IL1RAPL2: variants seen among roughly 807,000 people sequenced by gnomAD.
The protein encoded by IL1RAPL2 is interleukin 1 receptor accessory protein like 2.
IL1RAPL2 carries 3 observed loss-of-function variants against 44.1 expected under a neutral mutation model. That is an observed-to-expected ratio of 0.07 (90% CI 0.03 to 0.18). The LOEUF (loss-of-function observed/expected upper bound fraction) is 0.18, where lower values mean the gene tolerates loss of function less well. IL1RAPL2 is among the 10% of genes least tolerant of loss of function. The pLI is 1.00. For missense variants in IL1RAPL2, 391 were observed against 496.4 expected, an observed-to-expected ratio of 0.79 and a Z score of 2.02; for synonymous variants, 181 against 178.8, an observed-to-expected ratio of 1.01 and a Z score of -0.10.
At chrX:104,678,805 C>T (rs1313113749) in intron 2 of IL1RAPL2, among the ~76,000 whole-genome samples, 1 of 110,717 alleles carries the variant, frequency 9.0e-6, no homozygotes, top group East Asian at 2.9e-4. Flanking sequence ...AGGGGAACAT[C>T]ACCCATGGGG....
intron 2 of IL1RAPL2, among the ~76,000 whole-genome samples, chrX:104,672,250 C>T (rs1419848011): frequency 9.0e-6 from 1 of 110,961 alleles, no homozygotes; most frequent in Non-Finnish European, 1.9e-5. Context: ...TGCTATCCCT[C>T]CCCCACCCAT....
At chrX:105,374,677 G>A (rs758128705) in intron 5 of IL1RAPL2, among the ~76,000 whole-genome samples, 56 of 110,933 alleles carry the variant, frequency 5.0e-4, no homozygotes, top group Non-Finnish European at 9.4e-4. Context: ...GGCCAGGCAC[G>A]GTGGCTTATG....
intron 5 of IL1RAPL2, among the ~76,000 whole-genome samples, chrX:105,390,195 A>G (rs1379148263): frequency 9.0e-6 from 1 of 111,448 alleles, no homozygotes; most frequent in Non-Finnish European, 1.9e-5. Context: ...ATCTAATCAT[A>G]TCACTCTACT....
chrX:105,541,449 GAAGAA>G (rs750650487), intron 6 of IL1RAPL2, among the ~76,000 whole-genome samples: 66 of 111,579 alleles, frequency 5.9e-4, no homozygotes, highest in African/African-American at 2.0e-3. Flanking sequence ...GATTGTCTTT[GAAGAA>G]AAGAATGTGA....
At chrX:105,369,999 T>A (rs981465941) in intron 5 of IL1RAPL2, among the ~76,000 whole-genome samples, 5 of 111,921 alleles carry the variant, frequency 4.5e-5, no homozygotes, top group Admixed American at 2.9e-4. Context: ...AACATAAAAA[T>A]CTGTTTAGCT....
chrX:104,780,003 A>G (rs1383495859), intron 2 of IL1RAPL2, among the ~76,000 whole-genome samples: 2 of 111,829 alleles, frequency 1.8e-5, no homozygotes, highest in African/African-American at 6.5e-5. Flanking sequence ...TATATCTTCA[A>G]TGTGAAAGAA....
Position 105,613,192 on chromosome X carries a change from T to C in IL1RAPL2, c.773-104175T>C, listed in dbSNP as rs978130322. On this transcript the variant is annotated intron_variant, in intron 6 of 10. Transcript: ENST00000372582. ...GGGTAGGGCCCATTTCCAGGCCATC[T>C]CTCCTGGACAACATTTCTAGACACA... is the stretch of plus-strand genomic sequence containing the variant. 4.5e-5 allele frequency among the ~76,000 whole-genome samples: 5 copies of C among 111,104 alleles called. 1 individual carries two copies. Among genetic ancestry groups the C allele is most frequent in the Admixed American group, 9.5e-5 (1 of 10,502 alleles).
chrX:105,713,283 G>A (rs1018462040), intron 6 of IL1RAPL2, among the ~76,000 whole-genome samples: 3 of 111,488 alleles, frequency 2.7e-5, no homozygotes, highest in Non-Finnish European at 5.6e-5. Context: ...TCTAACAGAG[G>A]TTCTCCATGA....
chrX:104,762,484 C>A (rs757608945), intron 2 of IL1RAPL2, among the ~76,000 whole-genome samples: 1 of 111,871 alleles, frequency 8.9e-6, no homozygotes, highest in African/African-American at 3.3e-5. Context: ...TCCAGACCTA[C>A]GGTGCAAGCT....
At chrX:105,629,902 G>A (rs2037480329) in intron 6 of IL1RAPL2, among the ~76,000 whole-genome samples, 1 of 111,394 alleles carries the variant, frequency 9.0e-6, no homozygotes, top group Admixed American at 9.6e-5. Flanking sequence ...GAGTACTGGA[G>A]AGGAATGCTT....
chrX:104,875,604 C>T (rs1243829881), intron 2 of IL1RAPL2, among the ~76,000 whole-genome samples: 1 of 111,339 alleles, frequency 9.0e-6, no homozygotes, highest in Non-Finnish European at 1.9e-5. Context: ...TTATACTATC[C>T]TTGGTCTGGA....
chrX:104,950,961 C>G (rs758011061), intron 2 of IL1RAPL2, among the ~76,000 whole-genome samples: 1 of 111,699 alleles, frequency 9.0e-6, no homozygotes, highest in Middle Eastern at 4.2e-3. Context: ...TCTGTCACCC[C>G]TTTCTTTGAC....
chrX:104,869,109 T>C (rs968021248), intron 2 of IL1RAPL2, among the ~76,000 whole-genome samples: 12 of 111,786 alleles, frequency 1.1e-4, no homozygotes, highest in Non-Finnish European at 1.3e-4. Context: ...TTAATGCAAG[T>C]TTTTTGTTTT....
At chrX:105,124,824 C>T (rs1177644281) in intron 2 of IL1RAPL2, among the ~76,000 whole-genome samples, 1 of 110,621 alleles carries the variant, frequency 9.0e-6, no homozygotes, top group African/African-American at 3.3e-5. Flanking sequence ...CTTTGAAAAA[C>T]GTGATTGTTC....
chrX:105,641,857 T>C (rs184548374), intron 6 of IL1RAPL2, among the ~76,000 whole-genome samples: 9 of 111,905 alleles, frequency 8.0e-5, no homozygotes, highest in African/African-American at 1.9e-4. Flanking sequence ...CAGTATGTAA[T>C]TGAAAACATG....
At chrX:104,892,067 C>G (rs1341245787) in intron 2 of IL1RAPL2, among the ~76,000 whole-genome samples, 1 of 111,705 alleles carries the variant, frequency 9.0e-6, no homozygotes, top group Non-Finnish European at 1.9e-5. Context: ...TGGTTTTCGT[C>G]TTTGGTTCTG....
At chrX:105,042,203 C>A (rs1399727911) in intron 2 of IL1RAPL2, among the ~76,000 whole-genome samples, 2 of 109,504 alleles carry the variant, frequency 1.8e-5, no homozygotes, top group Non-Finnish European at 3.8e-5. Flanking sequence ...AAAGCAATGG[C>A]AACAAAAGCC....
At chrX:105,201,957 TG>T (rs782306884) in intron 3 of IL1RAPL2, among the ~76,000 whole-genome samples, 11 of 112,154 alleles carry the variant, frequency 9.8e-5, no homozygotes, top group African/African-American at 3.6e-4. Flanking sequence ...TTTTTCTATC[TG>T]TTTTTGGTTA....
Position 104,691,500 on chromosome X carries a change from G to A in IL1RAPL2, c.82+32505G>A, listed in dbSNP as rs187428250. Among the ~76,000 whole-genome samples, 492 of 112,229 alleles carry A rather than the reference G, an allele frequency of 4.4e-3. 3 individuals are homozygous for A. The highest frequency in any genetic ancestry group is 7.9e-3 in the Non-Finnish European group (421 of 53,231). On this transcript the variant is annotated intron_variant, in intron 2 of 10. Coordinates refer to ENST00000372582, the MANE Select transcript of IL1RAPL2 (RefSeq NM_017416.2). Reference sequence around the variant, plus strand: ...TAGTTTGTTATTAAATGACAGACAAGACAAATGAATACCACCTCTGGGTAA... The same window carrying A: ...TAGTTTGTTATTAAATGACAGACAAAACAAATGAATACCACCTCTGGGTAA...
Sources: allele counts gnomAD v4.1 joint callset (sites outside exome capture counted in the v4.1 genomes callset), GRCh38; gene constraint gnomAD v4.1.1; transcripts MANE v1.5; gene names NCBI Gene and HGNC (gene_info 2026-07-23, HGNC 2026-07-21).